LDLRAD3: variants seen among roughly 807,000 people sequenced by gnomAD.
The protein encoded by LDLRAD3 is low-density lipoprotein receptor class A domain-containing protein 3.
LDLRAD3 carries 20 observed loss-of-function variants against 29.4 expected under a neutral mutation model. That is an observed-to-expected ratio of 0.68 (90% CI 0.48 to 0.99). The LOEUF is 0.99. Ranked by LOEUF, LDLRAD3 falls within the 50% of genes least tolerant of loss-of-function variation. The pLI, the probability that LDLRAD3 is intolerant of heterozygous loss-of-function variation, is 0.00. For synonymous variants in LDLRAD3, 157 were observed against 192.7 expected (o/e 0.81, Z 1.53); for missense variants, 420 against 454.3 (o/e 0.92, Z 0.69).
At chr11:36,145,766 G>A (rs1246720569) in intron 4 of LDLRAD3, among the ~76,000 whole-genome samples, 3 of 150,972 alleles carry the variant, frequency 2.0e-5, no homozygotes, top group South Asian at 2.1e-4. Flanking sequence ...TGGATTAAGG[G>A]TGGTGCAAGA....
At position 35,944,261 on chromosome 11, in the gene LDLRAD3, T is replaced by G. The variant is rs1343821762; in HGVS notation, c.46+117T>G. ...GCGCGGGCCGCTCTCCGGGCGTGGG[T>G]GAGCGCGGAGGGCGGACCCCGGCGC... On this transcript the variant is annotated intron_variant, in intron 1 of 5. Transcript: ENST00000315571. The surrounding 1 kb of genome is among the most constrained non-coding windows in gnomAD (Gnocchi z 4.9). 2 of 585,966 alleles carry G rather than the reference T, an allele frequency of 3.4e-6. No individual in the cohort carries two copies. Among genetic ancestry groups the G allele is most frequent in the East Asian group, 2.9e-4 (2 of 7,014 alleles). 36.3% of individuals were successfully genotyped at this position (585,966 alleles called of 1,614,324 possible).
intron 1 of LDLRAD3, among the ~76,000 whole-genome samples, chr11:36,034,559 G>A (rs1424100889): frequency 3.3e-5 from 5 of 152,214 alleles, no homozygotes; most frequent in Admixed American, 2.0e-4. Flanking sequence ...GTGCATGTGC[G>A]TTATTAATTC....
intron 1 of LDLRAD3, among the ~76,000 whole-genome samples, chr11:35,978,056 T>C (rs962466110): frequency 6.6e-6 from 1 of 152,162 alleles, no homozygotes. Flanking sequence ...GGATTTATAA[T>C]AGGGCTGCAG....
intron 4 of LDLRAD3, among the ~76,000 whole-genome samples, chr11:36,127,897 C>T (rs1010568276): frequency 7.3e-5 from 11 of 151,702 alleles, no homozygotes; most frequent in African/African-American, 2.7e-4. Flanking sequence ...ATGCACTTGC[C>T]TTTACTTTCC....
intron 2 of LDLRAD3, among the ~76,000 whole-genome samples, chr11:36,062,966 C>G (rs946244303): frequency 2.0e-5 from 3 of 152,136 alleles, no homozygotes; most frequent in African/African-American, 7.2e-5. Flanking sequence ...TGTAAGAAAA[C>G]AGGAACTGGG....
At chr11:35,951,843 A>G (rs554617671) in intron 1 of LDLRAD3, among the ~76,000 whole-genome samples, 1 of 152,228 alleles carries the variant, frequency 6.6e-6, no homozygotes, top group Non-Finnish European at 1.5e-5. Context: ...AGCTGTGACC[A>G]AGTTTACCCA....
chr11:36,048,288 A>T (rs763231712), intron 2 of LDLRAD3, among the ~76,000 whole-genome samples: 4 of 152,198 alleles, frequency 2.6e-5, no homozygotes, highest in Admixed American at 6.5e-5. Context: ...GAATCCAGGG[A>T]TCTCTTGATA....
At position 36,213,681 on chromosome 11, in the gene LDLRAD3, C is replaced by T. The variant is rs978167432; in HGVS notation, c.455-13404C>T. Reference sequence around the variant, plus strand: ...CCCTGGGAGTGCCATTGGGGTCAGGCCTGCTCCCCGCACCTGAGCACAGGG... The same window carrying T: ...CCCTGGGAGTGCCATTGGGGTCAGGTCTGCTCCCCGCACCTGAGCACAGGG... On this transcript the variant is annotated intron_variant, in intron 4 of 5. Coordinates refer to ENST00000315571, the MANE Select transcript of LDLRAD3 (RefSeq NM_174902.4). The surrounding 1 kb of genome is among the most constrained non-coding windows in gnomAD (Gnocchi z 4.1). Among the ~76,000 whole-genome samples the T allele has an allele frequency of 3.3e-5, 5 of 152,198 alleles. No individual in the cohort carries two copies. The highest frequency in any genetic ancestry group is 2.1e-4 in the South Asian group (1 of 4,832).
At chr11:35,993,364 A>G (rs1366180589) in intron 1 of LDLRAD3, among the ~76,000 whole-genome samples, 1 of 152,152 alleles carries the variant, frequency 6.6e-6, no homozygotes, top group Non-Finnish European at 1.5e-5. Flanking sequence ...ATAGTGTCTG[A>G]CACCCTGTGC....
At chr11:36,077,197 T>C (rs1853027004) in intron 2 of LDLRAD3, among the ~76,000 whole-genome samples, 1 of 152,200 alleles carries the variant, frequency 6.6e-6, no homozygotes, top group South Asian at 2.1e-4. Context: ...TTTCACTCCT[T>C]TCCCACTCAC....
chr11:35,953,954 T>C (rs1431644472), intron 1 of LDLRAD3, among the ~76,000 whole-genome samples: 2 of 152,220 alleles, frequency 1.3e-5, no homozygotes, highest in Non-Finnish European at 2.9e-5. Context: ...GAGTTGATGC[T>C]TACTACTGTA....
intron 4 of LDLRAD3, among the ~76,000 whole-genome samples, chr11:36,141,582 T>C (rs1854087344): frequency 6.6e-6 from 1 of 151,818 alleles, no homozygotes; most frequent in Non-Finnish European, 1.5e-5. Flanking sequence ...GTCTAGGCAG[T>C]AGCCAGAATA....
rs1853761090 is a variant in LDLRAD3 at position 36,121,679 on chromosome 11, A to T, written c.454+23218A>T. ...TCAGGCAGGGAGAGCTGGTTTGTATAAATAAGAGCTTGATGAGCTATCTGT... is the reference window on the plus strand; with the variant it reads ...TCAGGCAGGGAGAGCTGGTTTGTATTAATAAGAGCTTGATGAGCTATCTGT... On this transcript the variant is annotated intron_variant, in intron 4 of 5. Transcript: ENST00000315571. 2.0e-5 allele frequency among the ~76,000 whole-genome samples: 3 copies of T among 152,250 alleles called. No individual in the cohort carries two copies. In the South Asian group the frequency reaches 6.2e-4, roughly 32 times the overall value.
At chr11:36,150,909 T>G (rs950103454) in intron 4 of LDLRAD3, among the ~76,000 whole-genome samples, 11 of 152,190 alleles carry the variant, frequency 7.2e-5, no homozygotes, top group African/African-American at 2.4e-4. Context: ...TCCTTGTCAC[T>G]GAAAGCCCAG....
intron 2 of LDLRAD3, among the ~76,000 whole-genome samples, chr11:36,074,123 A>C (rs1456609520): frequency 2.0e-5 from 3 of 152,232 alleles, no homozygotes; most frequent in Non-Finnish European, 1.5e-5. Context: ...TTATAGGTTC[A>C]TTTGGACATT....
chr11:36,079,095 T>TGCTCCTGCAGCC (rs1853068304), intron 2 of LDLRAD3, among the ~76,000 whole-genome samples: 1 of 152,224 alleles, frequency 6.6e-6, no homozygotes, highest in South Asian at 2.1e-4. Context: ...CCGCCACTGC[T>TGCTCCTGCAGCC]GCTCCTGCAG....
intron 1 of LDLRAD3, among the ~76,000 whole-genome samples, chr11:35,948,438 G>T (rs1018627102): frequency 3.1e-5 from 1 of 32,192 alleles, no homozygotes; most frequent in Non-Finnish European, 4.9e-5. Context: ...TTGGCTGATC[G>T]TGTGTGTGTG....
intron 1 of LDLRAD3, among the ~76,000 whole-genome samples, chr11:36,021,258 A>T (rs575690962): frequency 6.6e-6 from 1 of 152,306 alleles, no homozygotes; most frequent in African/African-American, 2.4e-5. Context: ...TCCAACTAAT[A>T]GTGGACAAAA....
intron 2 of LDLRAD3, among the ~76,000 whole-genome samples, chr11:36,069,766 T>C (rs1014360783): frequency 2.6e-5 from 4 of 152,186 alleles, no homozygotes; most frequent in Non-Finnish European, 4.4e-5. Flanking sequence ...ACAGGCGGCT[T>C]GGAACATCTT....
Sources: gnomAD v4.1 joint callset for allele counts (sites outside exome capture counted in the v4.1 genomes callset) on GRCh38, gnomAD v4.1.1 for gene constraint, Gnocchi (gnomAD v3.1) non-coding constraint, MANE v1.5 for transcripts, NCBI Gene and HGNC (gene_info 2026-07-23, HGNC 2026-07-21) for gene names.